ACOT4: variants seen among roughly 807,000 people sequenced by gnomAD.
ACOT4 encodes peroxisomal succinyl-coenzyme A thioesterase.
In ACOT4, 18 loss-of-function variants were observed where a neutral mutation model predicts 17.1. That is an observed-to-expected ratio of 1.05 (90% CI 0.73 to 1.56). The LOEUF is 1.56. Among genes scored for constraint, ACOT4 ranks in the 40% most tolerant of loss-of-function variants. ACOT4 has a pLI of 0.00. For synonymous variants in ACOT4, 234 were observed against 236.6 expected (o/e 0.99, Z 0.10); for missense variants, 574 against 557.2 (o/e 1.03, Z -0.30).
Position 73,595,152 on chromosome 14 carries a change from A to G in ACOT4, c.764A>G (p.Asn255Ser), listed in dbSNP as rs557692176. 102 of 1,614,104 alleles carry G rather than the reference A, an allele frequency of 6.3e-5. No individual in the cohort carries two copies. The highest frequency in any genetic ancestry group is 2.4e-4 in the East Asian group (11 of 44,908). Residue 255 changes from asparagine to serine, a missense_variant, in exon 3 of 3, where the codon AAT becomes AGT. Physicochemically the swap from Asn to Ser is conservative, Grantham distance 46. Coordinates refer to ENST00000326303, the MANE Select transcript of ACOT4 (RefSeq NM_152331.4). ...LKNVSATVSI[N>S]GSGISGNTAI... Reference sequence around the variant, plus strand: ...AATGTCTCAGCCACAGTTTCCATCAATGGATCTGGGATCAGTGGGAACACA... The same window carrying G: ...AATGTCTCAGCCACAGTTTCCATCAGTGGATCTGGGATCAGTGGGAACACA...
At chr14:73,594,729 C>A (rs1342429177) in intron 2 of ACOT4, among the ~76,000 whole-genome samples, 1 of 151,602 alleles carries the variant, frequency 6.6e-6, no homozygotes, top group East Asian at 1.9e-4. Flanking sequence ...GAGACGGAGT[C>A]TCGCTTTGTC....
chr14:73,593,392 G>A (rs1321902381), intron 1 of ACOT4, among the ~76,000 whole-genome samples: 2 of 127,894 alleles, frequency 1.6e-5, no homozygotes, highest in Non-Finnish European at 3.1e-5. Flanking sequence ...ACGCTGGAGT[G>A]CAGTGGTGTG....
Position 73,593,919 on chromosome 14 carries a change from C to A in ACOT4, c.660+15C>A. ...AACATCCCCAGGTTCTCCTCATGTC[C>A]TTTATTTAATCAGTCTCTCTAGAAA... is the stretch of plus-strand genomic sequence containing the variant. On this transcript the variant is annotated intron_variant, in intron 2 of 2. Transcript: ENST00000326303. The A allele has an allele frequency of 6.3e-7, 1 of 1,596,192 alleles. No homozygotes were observed. Among genetic ancestry groups the A allele is most frequent in the South Asian group, 1.1e-5 (1 of 89,888 alleles).
rs538858496 is a variant in ACOT4 at position 73,592,031 on chromosome 14, C to G, written c.72C>G (p.Arg24=). 1.4e-6 allele frequency: 2 copies of G among 1,447,848 alleles called. No individual in the cohort carries two copies. The highest frequency in any genetic ancestry group is 1.8e-6 in the Non-Finnish European group (2 of 1,102,210). 89.7% of individuals were successfully genotyped at this position (1,447,848 alleles called of 1,614,324 possible). Residue 24 remains arginine (R), a synonymous_variant, in exon 1 of 3, where the codon CGC becomes CGG. Transcript: ENST00000326303. ...ACGAGCCGGTGCGCATTGCCGTGCG[C>G]GGCCTGGCCCCGGAGCAGCGGGTTA... is the stretch of plus-strand genomic sequence containing the variant. The part of the protein sequence containing the change: ...CWNEPVRIAV[R]GLAPEQRVTL...
intron 1 of ACOT4, among the ~76,000 whole-genome samples, chr14:73,593,384 G>A (rs1465858163): frequency 4.2e-5 from 5 of 119,976 alleles, no homozygotes; most frequent in Non-Finnish European, 6.3e-5. Context: ...TGTTGCCCAC[G>A]CTGGAGTGCA....
rs764373621 is a variant in ACOT4 at position 73,595,465 on chromosome 14, G to C, written c.1077G>C (p.Gly359=). 7 of 1,614,176 alleles carry C rather than the reference G, an allele frequency of 4.3e-6. No homozygotes were observed. Among genetic ancestry groups the C allele is most frequent in the Non-Finnish European group, 5.9e-6 (7 of 1,180,008 alleles). Reference sequence around the variant, plus strand: ...AGATCATCTGTTACCCTGGGACTGGGCATTACATCGAGCCTCCTTACTTCC... The same window carrying C: ...AGATCATCTGTTACCCTGGGACTGGCCATTACATCGAGCCTCCTTACTTCC... The part of the protein sequence containing the change: ...KPQIICYPGT[G]HYIEPPYFPL... Residue 359 remains glycine, a synonymous_variant, in exon 3 of 3, where the codon GGG becomes GGC. Coordinates refer to ENST00000326303, the MANE Select transcript of ACOT4 (RefSeq NM_152331.4).
Position 73,591,883 on chromosome 14 carries a change from C to G in ACOT4, c.-77C>G. 1 of 1,299,510 alleles carries G rather than the reference C, an allele frequency of 7.7e-7. No homozygotes were observed. The highest frequency in any genetic ancestry group is 9.9e-7 in the Non-Finnish European group (1 of 1,013,530). The allele number at this position is 1,299,510 out of a possible 1,614,324, so 80.5% of individuals were successfully genotyped here. On this transcript the variant is annotated 5_prime_UTR_variant, in exon 1 of 3. Coordinates refer to ENST00000326303, the MANE Select transcript of ACOT4 (RefSeq NM_152331.4). ...GCACCAGGGGACGCCGGACGCCGTC[C>G]GGACATTCGGCGCGCTTGCCACGAT...
Position 73,593,775 on chromosome 14 carries a change from C to G in ACOT4, c.531C>G (p.Leu177=). Residue 177 remains leucine (L), a synonymous_variant, in exon 2 of 3, where the codon CTC becomes CTG. Transcript: ENST00000326303. ...GCCTCTTGGAATATCGAGCCAGCCT[C>G]CTTGCTGGCCATGGCTTTGCCACGT... ...GGGLLEYRAS[L]LAGHGFATLA... 6.2e-7 allele frequency: 1 copy of G among 1,614,052 alleles called. No individual in the cohort carries two copies. Among genetic ancestry groups the G allele is most frequent in the Non-Finnish European group, 8.5e-7 (1 of 1,179,928 alleles).
intron 2 of ACOT4, among the ~76,000 whole-genome samples, 191 bp downstream of exon 2, chr14:73,594,095 T>C (rs888296790): frequency 5.9e-5 from 9 of 152,232 alleles, no homozygotes; most frequent in African/African-American, 2.2e-4. Flanking sequence ...AATTGTAAAA[T>C]CCACATGAGA....
rs1479205160 is a variant in ACOT4, at chr14:73,591,906, G to A, written c.-54G>A. ...TCCGGACATTCGGCGCGCTTGCCACGATCTTGGACGGGTCTCGGGCCTCGA... is the reference window on the plus strand; with the variant it reads ...TCCGGACATTCGGCGCGCTTGCCACAATCTTGGACGGGTCTCGGGCCTCGA... On this transcript the variant is annotated 5_prime_UTR_variant, in exon 1 of 3. Transcript: ENST00000326303. The A allele has an allele frequency of 7.6e-7, 1 of 1,322,770 alleles. No homozygotes were observed. The highest frequency in any genetic ancestry group is 9.7e-7 in the Non-Finnish European group (1 of 1,033,426). 81.9% of individuals were successfully genotyped at this position (1,322,770 alleles called of 1,614,324 possible).
chr14:73,592,157 C>G lies in ACOT4; in HGVS notation c.198C>G (p.Pro66=). The change falls in exon 1 of 3, where the codon CCC becomes CCG. Residue 66 remains proline (P), a synonymous_variant. Coordinates refer to ENST00000326303, the MANE Select transcript of ACOT4 (RefSeq NM_152331.4). ...ARGELDLERA[P]ALGGSFAGLE... The stretch of plus-strand genomic sequence containing the variant: ...GCGAGCTGGACCTGGAGCGCGCACC[C>G]GCGCTGGGCGGCAGCTTCGCGGGAC... The G allele has an allele frequency of 6.3e-7, 1 of 1,598,428 alleles. No individual in the cohort carries two copies. The highest frequency in any genetic ancestry group is 8.5e-7 in the Non-Finnish European group (1 of 1,173,594).
chr14:73,595,609 C>A lies in ACOT4; in HGVS notation c.1221C>A (p.Cys407Ter), dbSNP rs978673432. ...DAWKQILAFF[C>*]KHLGGTQKTA... is the part of the protein sequence containing the mutation. ...GGAAGCAAATTCTAGCCTTCTTCTG[C>A]AAACACCTGGGAGGTACCCAGAAAA... The change falls in exon 3 of 3, where the codon TGC becomes TGA. Residue 407 changes from cysteine (C) to a stop codon, truncating the protein, a stop_gained. Transcript: ENST00000326303. LOFTEE classifies it low-confidence loss of function (END_TRUNC). 3.2e-6 allele frequency: 5 copies of A among 1,558,992 alleles called. No individual in the cohort carries two copies. Among genetic ancestry groups the A allele is most frequent in the Non-Finnish European group, 4.3e-6 (5 of 1,150,472 alleles).
At position 73,595,730 on chromosome 14, in the gene ACOT4, C is replaced by T. The variant is rs1373222194; in HGVS notation, c.*76C>T. On this transcript the variant is annotated 3_prime_UTR_variant, in exon 3 of 3. Coordinates refer to ENST00000326303, the MANE Select transcript of ACOT4 (RefSeq NM_152331.4). ...CAGTAACCCTATGTGAATCAGATGT[C>T]TCCTGGATAACATTAAAGCCATGTC... 1 of 1,445,038 alleles carries T rather than the reference C, an allele frequency of 6.9e-7. No homozygotes were observed. The highest frequency in any genetic ancestry group is 9.2e-7 in the Non-Finnish European group (1 of 1,086,588). 89.5% of individuals were successfully genotyped at this position (1,445,038 alleles called of 1,614,324 possible). A position where few individuals can be genotyped will look rare whatever the true frequency, so the allele number is the denominator to read the frequency against.
Position 73,592,173 on chromosome 14 carries a change from T to C in ACOT4, c.214T>C (p.Phe72Leu), listed in dbSNP as rs759417267. The C allele has an allele frequency of 1.2e-6, 2 of 1,604,908 alleles. No individual in the cohort carries two copies. Among genetic ancestry groups the C allele is most frequent in the Non-Finnish European group, 1.7e-6 (2 of 1,176,452 alleles). The change falls in exon 1 of 3, where the codon TTC becomes CTC. Residue 72 changes from phenylalanine to leucine, a missense_variant. Transcript: ENST00000326303. ...GCGCGCACCCGCGCTGGGCGGCAGCTTCGCGGGACTCGAGCCCATGGGGCT... is the reference window on the plus strand; with the variant it reads ...GCGCGCACCCGCGCTGGGCGGCAGCCTCGCGGGACTCGAGCCCATGGGGCT... ...LERAPALGGS[F>L]AGLEPMGLLW... is the part of the protein sequence containing the mutation.
chr14:73,592,230 T>G lies in ACOT4; in HGVS notation c.271T>G (p.Trp91Gly). ...GGCCCTGGAACCCGAGAAGCCTTTT[T>G]GGCGCTTCCTGAAGCGGGACGTACA... ...LWALEPEKPFWRFLKRDVQIP... is the reference protein window; with the variant it reads ...LWALEPEKPFGRFLKRDVQIP... Residue 91 changes from tryptophan (W) to glycine (G), a missense_variant, in exon 1 of 3, where the codon TGG becomes GGG. By Grantham distance (184) the Trp-to-Gly change is radical (BLOSUM62 -2). Coordinates refer to ENST00000326303, the MANE Select transcript of ACOT4 (RefSeq NM_152331.4). 1 of 1,613,192 alleles carries G rather than the reference T, an allele frequency of 6.2e-7. No homozygotes were observed. Among genetic ancestry groups the G allele is most frequent in the Non-Finnish European group, 8.5e-7 (1 of 1,179,470 alleles).
At chr14:73,592,868 A>G (rs1471531425) in intron 1 of ACOT4, among the ~76,000 whole-genome samples, 1 of 152,110 alleles carries the variant, frequency 6.6e-6, no homozygotes, top group East Asian at 1.9e-4. Context: ...AAGAAAAAAG[A>G]AAAAAAAGGA....
chr14:73,594,958 G>T, intron 2 of ACOT4, 91 bp from the exon 3 acceptor site: 2 of 1,489,660 alleles, frequency 1.3e-6, no homozygotes, highest in Non-Finnish European at 1.8e-6. Context: ...GCCCGCCTCC[G>T]CCTCGCAGAG....
In ACOT4 at chr14:73,595,600, C is replaced by T. The variant is rs763705218; in HGVS notation, c.1212C>T (p.Ala404=). The T allele has an allele frequency of 1.7e-5, 27 of 1,564,682 alleles. No homozygotes were observed. In the African/African-American group the frequency reaches 3.3e-4, roughly 19 times the overall value. ...AAGATGCCTGGAAGCAAATTCTAGC[C>T]TTCTTCTGCAAACACCTGGGAGGTA... The part of the protein sequence containing the change: ...AQEDAWKQIL[A]FFCKHLGGTQ... Residue 404 remains alanine, a synonymous_variant, in exon 3 of 3, where the codon GCC becomes GCT. Transcript: ENST00000326303.
Position 73,595,674 on chromosome 14 carries a change from C to T in ACOT4, c.*20C>T, listed in dbSNP as rs368670936. The stretch of plus-strand genomic sequence containing the variant: ...TTGTAATGCATTTGTCTGTTGTTGA[C>T]ATGAGAGATTCAAGATCAGATTCTA... On this transcript the variant is annotated 3_prime_UTR_variant, in exon 3 of 3. Transcript: ENST00000326303. 102 of 1,509,996 alleles carry T rather than the reference C, an allele frequency of 6.8e-5. No homozygotes were observed. Among genetic ancestry groups the T allele is most frequent in the Non-Finnish European group, 8.9e-5 (101 of 1,130,164 alleles). 93.5% of individuals were successfully genotyped at this position (1,509,996 alleles called of 1,614,324 possible). A position where few individuals can be genotyped will look rare whatever the true frequency, so the allele number is the denominator to read the frequency against.
Sources: allele counts gnomAD v4.1 joint callset (sites outside exome capture counted in the v4.1 genomes callset), GRCh38; gene constraint gnomAD v4.1.1; transcripts MANE v1.5; gene names NCBI Gene and HGNC (gene_info 2026-07-23, HGNC 2026-07-21).